The following SAMMSON variants were observed in gnomAD, a reference collection of about 807,000 sequenced individuals.
SAMMSON encodes long intergenic non-protein coding RNA 1212.
At chr3:70,190,940 C>T (rs1449393227) in intron 4 of SAMMSON, among the ~76,000 whole-genome samples, 1 of 152,188 alleles carries the variant, frequency 6.6e-6, no homozygotes, top group Non-Finnish European at 1.5e-5. Flanking sequence ...GGCCTCTTGC[C>T]TTCATCCCTG....
At chr3:70,188,298 C>T (rs1000477878) in intron 4 of SAMMSON, among the ~76,000 whole-genome samples, 4 of 152,118 alleles carry the variant, frequency 2.6e-5, no homozygotes, top group African/African-American at 9.7e-5. Context: ...CTCACTTTTC[C>T]TCATCAATAA....
chr3:70,274,224 G>T (rs1238297911), intron 6 of SAMMSON, among the ~76,000 whole-genome samples: 1 of 151,860 alleles, frequency 6.6e-6, no homozygotes, highest in African/African-American at 2.4e-5. Context: ...AAAGACAATT[G>T]ATATGTTTTA....
At chr3:70,225,435 A>G (rs1371110743) in intron 4 of SAMMSON, among the ~76,000 whole-genome samples, 2 of 152,144 alleles carry the variant, frequency 1.3e-5, no homozygotes, top group African/African-American at 4.8e-5. Context: ...CTTTTTTTAT[A>G]GTGTTCTTTA....
At chr3:70,335,687 C>T (rs1391782942) in intron 7 of SAMMSON, among the ~76,000 whole-genome samples, 1 of 151,906 alleles carries the variant, frequency 6.6e-6, no homozygotes, top group Non-Finnish European at 1.5e-5. Flanking sequence ...ATCCTGGGTT[C>T]ATATCATGCT....
chr3:70,218,234 T>A (rs966575431), intron 4 of SAMMSON, among the ~76,000 whole-genome samples: 2 of 152,164 alleles, frequency 1.3e-5, no homozygotes, highest in Non-Finnish European at 2.9e-5. Context: ...TTTCTATTTT[T>A]AAATCCTAAT....
At chr3:70,205,021 A>G (rs1281384155) in intron 4 of SAMMSON, 3 of 152,164 alleles carry the variant, frequency 2.0e-5, no homozygotes, top group Non-Finnish European at 2.9e-5. Context: ...TACCAAAGCT[A>G]GAGACTTGAG....
At chr3:70,033,855 G>A (rs2067074789) in intron 3 of SAMMSON, among the ~76,000 whole-genome samples, 1 of 152,146 alleles carries the variant, frequency 6.6e-6, no homozygotes. Flanking sequence ...GAATGACGAT[G>A]TCTTTAGCTA....
intron 7 of SAMMSON, among the ~76,000 whole-genome samples, chr3:70,336,763 G>C (rs1360183846): frequency 1.3e-5 from 2 of 151,352 alleles, no homozygotes; most frequent in African/African-American, 4.9e-5. Context: ...TTTAGAGAGA[G>C]AGAATCATCA....
intron 3 of SAMMSON, among the ~76,000 whole-genome samples, chr3:70,061,411 A>T (rs951178190): frequency 6.6e-6 from 1 of 152,148 alleles, no homozygotes; most frequent in Non-Finnish European, 1.5e-5. Context: ...CGTAATGTTT[A>T]AAAAATCTTT....
At chr3:70,257,527 C>T (rs1042687530) in intron 6 of SAMMSON, among the ~76,000 whole-genome samples, 1 of 151,746 alleles carries the variant, frequency 6.6e-6, no homozygotes, top group African/African-American at 2.4e-5. Flanking sequence ...GGAGGGAGAA[C>T]TGGAAAATCA....
intron 9 of SAMMSON, among the ~76,000 whole-genome samples, chr3:70,364,654 T>A (rs1702905558): frequency 1.3e-5 from 2 of 151,888 alleles, no homozygotes; most frequent in Admixed American, 1.3e-4. Flanking sequence ...GTTCAAGTCT[T>A]ATTTATTTTA....
intron 8 of SAMMSON, among the ~76,000 whole-genome samples, chr3:70,356,259 A>G (rs1274183045): frequency 6.6e-6 from 1 of 152,172 alleles, no homozygotes; most frequent in Non-Finnish European, 1.5e-5. Context: ...CTTAGAAATT[A>G]TCACACGAAA....
chr3:70,019,777 G>C (rs533659227), intron 3 of SAMMSON, among the ~76,000 whole-genome samples: 2 of 152,198 alleles, frequency 1.3e-5, no homozygotes, highest in South Asian at 4.1e-4. Flanking sequence ...GGCTGACCTG[G>C]TGGTGACAAA....
At chr3:70,299,092 C>G (rs1335760258) in intron 7 of SAMMSON, among the ~76,000 whole-genome samples, 1 of 152,014 alleles carries the variant, frequency 6.6e-6, no homozygotes, top group Non-Finnish European at 1.5e-5. Flanking sequence ...ATAATGAATT[C>G]CTTTGAGATT....
At chr3:70,351,348 A>G (rs1702794170) in intron 7 of SAMMSON, among the ~76,000 whole-genome samples, 1 of 152,098 alleles carries the variant, frequency 6.6e-6, no homozygotes, top group Admixed American at 6.6e-5. Flanking sequence ...GAAGTGTGGG[A>G]TTTTTGCAAG....
At chr3:70,380,368 G>A (rs1004337898) in intron 9 of SAMMSON, among the ~76,000 whole-genome samples, 1 of 151,984 alleles carries the variant, frequency 6.6e-6, no homozygotes, top group Non-Finnish European at 1.5e-5. Context: ...TAAAAATCCT[G>A]TAACATACTA....
chr3:70,189,794 A>T (rs1427849964), intron 4 of SAMMSON, among the ~76,000 whole-genome samples: 1 of 78,988 alleles, frequency 1.3e-5, no homozygotes, highest in Non-Finnish European at 3.6e-5. Flanking sequence ...AGTTTGGGGG[A>T]TTGGTCCTGC....
At chr3:70,116,621 G>T (rs1278091237) in intron 4 of SAMMSON, among the ~76,000 whole-genome samples, 1 of 152,010 alleles carries the variant, frequency 6.6e-6, no homozygotes, top group African/African-American at 2.4e-5. Flanking sequence ...GCAAGTGAAT[G>T]AATACTTATT....
chr3:70,019,804 A>C (rs1312105889), intron 3 of SAMMSON, among the ~76,000 whole-genome samples: 3 of 152,120 alleles, frequency 2.0e-5, no homozygotes, highest in Non-Finnish European at 2.9e-5. Context: ...TGCTGTTCTT[A>C]GGAATTAATA....
Sources: gnomAD v4.1 joint callset for allele counts (sites outside exome capture counted in the v4.1 genomes callset) on GRCh38, gnomAD v4.1.1 for gene constraint, MANE v1.5 for transcripts, NCBI Gene and HGNC (gene_info 2026-07-23, HGNC 2026-07-21) for gene names.